Variants in MED24 observed in about 807,000 individuals in gnomAD.
MED24 encodes mediator of RNA polymerase II transcription subunit 24.
Under a neutral mutation model 118.8 loss-of-function variants are expected in MED24, and 74 were observed. The ratio of observed to expected loss-of-function variants is 0.62; its 90% CI spans 0.52 to 0.76. The LOEUF (loss-of-function observed/expected upper bound fraction) is 0.76. Ranked by LOEUF, MED24 falls within the 30% of genes least tolerant of loss-of-function variation. MED24 has a pLI of 0.00. For synonymous variants in MED24, 521 were observed against 523.9 expected, an observed-to-expected ratio of 0.99 and a Z score of 0.08; for missense variants, 1,041 against 1,278.9, an observed-to-expected ratio of 0.81 and a Z score of 2.84.
chr17:40,048,123 G>A lies in MED24; in HGVS notation c.213+5175C>T, dbSNP rs141339820. 3.9e-3 allele frequency among the ~76,000 whole-genome samples: 594 copies of A among 152,334 alleles called. 5 individuals carry two copies. Among genetic ancestry groups the A allele is most frequent in the African/African-American group, 0.013 (523 of 41,574 alleles). On this transcript the variant is annotated intron_variant, in intron 3 of 25. Coordinates refer to ENST00000394128, the MANE Select transcript of MED24 (RefSeq NM_014815.4). ...CGCCTCCACTTAAAACCCTTTAAAT[G>A]ATTATTTGTCACCCTAAAATAAAGT...
intron 23 of MED24, among the ~76,000 whole-genome samples, chr17:40,021,631 C>T (rs1982016949): frequency 6.6e-6 from 1 of 152,188 alleles, no homozygotes; most frequent in Non-Finnish European, 1.5e-5. Context: ...CAGGCTGTGC[C>T]TGAGGCAGTG....
chr17:40,031,972 C>A, intron 10 of MED24, 71 bp downstream of exon 10: 1 of 1,514,394 alleles, frequency 6.6e-7, no homozygotes, highest in Non-Finnish European at 9.1e-7. Flanking sequence ...CACTGCCCAG[C>A]TGGGGCCTGA....
chr17:40,026,484 C>T (rs1982663575), intron 18 of MED24, 153 bp from the exon 19 acceptor site: 3 of 1,177,160 alleles, frequency 2.5e-6, no homozygotes, highest in African/African-American at 3.0e-5. Flanking sequence ...CCCAGAGCTA[C>T]CTGGGCCAGA....
Position 40,046,087 on chromosome 17 carries a change from A to AT in MED24, c.213+7210dup, listed in dbSNP as rs1203333557. 3.0e-3 allele frequency among the ~76,000 whole-genome samples: 366 copies of AT among 123,826 alleles called. 1 individual carries two copies. The highest frequency in any genetic ancestry group is 5.1e-3 in the Middle Eastern group (1 of 198). 81.2% of individuals were successfully genotyped at this position (123,826 alleles called of 152,430 possible). A position where few individuals can be genotyped will look rare whatever the true frequency, so the allele number is the denominator to read the frequency against. On this transcript the variant is annotated intron_variant, in intron 3 of 25. Coordinates refer to ENST00000394128, the MANE Select transcript of MED24 (RefSeq NM_014815.4). ...CCATCACGCCCAGCCTCTAAAAAAA[A>AT]TTTTTTTTTTTTTTTTTGAGACGGA...
rs766149658 is a variant in MED24, at chr17:40,022,667, G to T, written c.2410C>A (p.Pro804Thr). Residue 804 changes from proline to threonine, a missense_variant, in exon 21 of 26, where the codon CCC becomes ACC. Physicochemically the swap from Pro to Thr is conservative, Grantham distance 38. Coordinates refer to ENST00000394128, the MANE Select transcript of MED24 (RefSeq NM_014815.4). ...TACTTGGCAAGAGCAGTGCCCGGGG[G>T]GTCCATGAGGCTGTGCCACTTGGAG... Reference protein sequence around the residue: ...DSSKWHSLMDPPGTALAKLAV... With the variant: ...DSSKWHSLMDTPGTALAKLAV... The T allele has an allele frequency of 1.5e-5, 25 of 1,613,412 alleles. No individual in the cohort carries two copies. Among genetic ancestry groups the T allele is most frequent in the Non-Finnish European group, 2.1e-5 (25 of 1,179,978 alleles).
chr17:40,021,014 A>G (rs1403279641), intron 23 of MED24, among the ~76,000 whole-genome samples: 1 of 152,226 alleles, frequency 6.6e-6, no homozygotes, highest in East Asian at 1.9e-4. Flanking sequence ...CGGAGGTTGC[A>G]GTAAGCTGAG....
At chr17:40,042,686 A>C (rs1221274081) in intron 3 of MED24, among the ~76,000 whole-genome samples, 1 of 152,186 alleles carries the variant, frequency 6.6e-6, no homozygotes, top group Non-Finnish European at 1.5e-5. Context: ...CTCAAAAAAA[A>C]CAGAGAAAGA....
chr17:40,021,752 C>T (rs1478319296), intron 23 of MED24, among the ~76,000 whole-genome samples: 3 of 152,190 alleles, frequency 2.0e-5, no homozygotes, highest in African/African-American at 7.2e-5. Context: ...AGAGGAGCTT[C>T]AACCCTCAGG....
chr17:40,024,899 C>T (rs1332377274), intron 19 of MED24, among the ~76,000 whole-genome samples: 1 of 152,100 alleles, frequency 6.6e-6, no homozygotes, highest in South Asian at 2.1e-4. Flanking sequence ...CCACTCCCTG[C>T]TCATTTTTAT....
chr17:40,047,815 C>T (rs1169443978), intron 3 of MED24, among the ~76,000 whole-genome samples: 3 of 152,002 alleles, frequency 2.0e-5, no homozygotes, highest in African/African-American at 2.4e-5. Context: ...CTGCAACCTC[C>T]GCCTCCCAGG....
At position 40,031,601 on chromosome 17, in the gene MED24, T is replaced by C. The variant is rs1983384876; in HGVS notation, c.1004A>G (p.Asn335Ser). Residue 335 changes from asparagine to serine, a missense_variant, in exon 11 of 26, where the codon AAC (asparagine) becomes AGC (serine). By Grantham distance (46) the Asn-to-Ser change is conservative. Around this residue, in one of 3 missense-constraint regions of MED24, gnomAD observed 434 missense variants for 514.9 expected, o/e 0.84. Transcript: ENST00000394128. Reference protein sequence around the residue: ...HGDKDFTEDVNCAFEFLLKLT... With the variant: ...HGDKDFTEDVSCAFEFLLKLT... ...CTTCAGCAGGAACTCAAAAGCACAG[T>C]TGACATCCTCAGTGAAGTCCTAGAA... is the stretch of plus-strand genomic sequence containing the variant. 3 of 1,614,038 alleles carry C rather than the reference T, an allele frequency of 1.9e-6. No homozygotes were observed. Among genetic ancestry groups the C allele is most frequent in the South Asian group, 2.2e-5 (2 of 91,094 alleles).
At position 40,033,837 on chromosome 17, in the gene MED24, G is replaced by A. The variant is rs1983659342; in HGVS notation, c.560-381C>T. On this transcript the variant is annotated intron_variant, in intron 6 of 25. Coordinates refer to ENST00000394128, the MANE Select transcript of MED24 (RefSeq NM_014815.4). The surrounding 1 kb of genome is among the most constrained non-coding windows in gnomAD (Gnocchi z 5.2). ...GCGGATCCCAAAGTCCAGTCTTGCA[G>A]AGGCTGTCACTCTCCTCTGGGGGAA... 2 of 452,716 alleles carry A rather than the reference G, an allele frequency of 4.4e-6. No individual in the cohort carries two copies. Among genetic ancestry groups the A allele is most frequent in the South Asian group, 1.6e-5 (1 of 63,038 alleles). The allele number at this position is 452,716 out of a possible 1,614,324, so 28.0% of individuals were successfully genotyped here. A position where few individuals can be genotyped will look rare whatever the true frequency, so the allele number is the denominator to read the frequency against.
intron 15 of MED24, 151 bp downstream of exon 15, chr17:40,027,758 C>G: frequency 1.2e-6 from 1 of 868,530 alleles, no homozygotes; most frequent in Non-Finnish European, 1.9e-6. Flanking sequence ...TATCCACTTT[C>G]AAGCTCTGTG....
In MED24 at chr17:40,033,273, G is replaced by A. The variant is rs1053340597; in HGVS notation, c.672-67C>T. 121 of 1,609,854 alleles carry A rather than the reference G, an allele frequency of 7.5e-5. No homozygotes were observed. Among genetic ancestry groups the A allele is most frequent in the Admixed American group, 2.5e-4 (15 of 60,010 alleles). On this transcript the variant is annotated intron_variant, in intron 7 of 25. Transcript: ENST00000394128. This position sits in a 1 kb window ranked among gnomAD's most constrained non-coding sequence, Gnocchi z 5.2. Reference sequence around the variant, plus strand: ...AAGGTGAAGGCGGAGAGGATGGCACGGGTGCCACATCTTCCTACCCCAGGG... The same window carrying A: ...AAGGTGAAGGCGGAGAGGATGGCACAGGTGCCACATCTTCCTACCCCAGGG...
At chr17:40,020,690 G>A in intron 23 of MED24, 2 of 370,890 alleles carry the variant, frequency 5.4e-6, no homozygotes, top group South Asian at 4.1e-5. Flanking sequence ...GGAGGCTGAG[G>A]CAGACTGCTT....
intron 23 of MED24, 49 bp downstream of exon 23, chr17:40,021,906 A>C: frequency 8.3e-6 from 11 of 1,320,746 alleles, no homozygotes; most frequent in African/African-American, 1.5e-5. Context: ...AGCATCGGGG[A>C]GTGAATTCCC....
At chr17:40,020,693 G>A (rs572026683) in intron 23 of MED24, 37 of 369,496 alleles carry the variant, frequency 1.0e-4, no homozygotes, top group Non-Finnish European at 1.7e-4. Flanking sequence ...GGCTGAGGCA[G>A]ACTGCTTGAG....
At chr17:40,044,657 G>A (rs188840483) in intron 3 of MED24, among the ~76,000 whole-genome samples, 11 of 151,574 alleles carry the variant, frequency 7.3e-5, no homozygotes, top group East Asian at 1.9e-4. Context: ...CGAGGTGGGC[G>A]GATCACGAGG....
rs772086894 is a variant in MED24, at chr17:40,031,664, G to C, written c.985-44C>G. 8.3e-6 allele frequency: 13 copies of C among 1,568,386 alleles called. No homozygotes were observed. In the African/African-American group the frequency reaches 1.1e-4, roughly 13 times the overall value. On this transcript the variant is annotated intron_variant, in intron 10 of 25. Transcript: ENST00000394128. ...GTCCATCTGGTTTCCAGGGCCACCA[G>C]GCCCTGATCATCTCAGGCAACCTTG...
Sources: gnomAD v4.1 joint callset for allele counts (sites outside exome capture counted in the v4.1 genomes callset) on GRCh38, gnomAD v4.1.1 for gene constraint, gnomAD v4.1.1 regional missense constraint, Gnocchi (gnomAD v3.1) non-coding constraint, MANE v1.5 for transcripts, NCBI Gene and HGNC (gene_info 2026-07-23, HGNC 2026-07-21) for gene names.